Variants in ARID1B observed in about 807,000 individuals in gnomAD.
ARID1B encodes the protein AT-rich interaction domain 1B.
ARID1B carries 30 observed loss-of-function variants against 212.3 expected under a neutral mutation model. The ratio of observed to expected loss-of-function variants is 0.14; its 90% CI spans 0.11 to 0.19. The LOEUF (loss-of-function observed/expected upper bound fraction) is 0.19. Ranked by LOEUF, ARID1B falls within the 10% of genes least tolerant of loss-of-function variation. The pLI is 1.00. For synonymous variants in ARID1B, 1,402 were observed against 1,301.7 expected, an observed-to-expected ratio of 1.08 and a Z score of -1.66; for missense variants, 2,891 against 3,204.0, an observed-to-expected ratio of 0.90 and a Z score of 2.36.
In ARID1B at chr6:157,196,238, A is replaced by C. The variant is rs367653751; in HGVS notation, c.4305A>C (p.Gln1435His). 1 of 1,613,482 alleles carries C rather than the reference A, an allele frequency of 6.2e-7. No individual in the cohort carries two copies. Among genetic ancestry groups the C allele is most frequent in the East Asian group, 2.2e-5 (1 of 44,844 alleles). Residue 1435 changes from glutamine to histidine, a missense_variant, in exon 16 of 20, where the codon CAA (glutamine) becomes CAC (histidine). Coordinates refer to ENST00000636930, the MANE Select transcript of ARID1B (RefSeq NM_001374828.1). ...GCAGCATGCAGGACATGTACAACCA[A>C]AGTCCCTCCGGAGCAATGTCTAACC... ...PNSSMQDMYN[Q>H]SPSGAMSNLG...
rs2128462739 is a variant in ARID1B, at chr6:157,084,779, C to T, written c.2365C>T (p.Pro789Ser). ...GGATCAGAGCAACCCGGCGCAGTCG[C>T]CTTTCTCCCCACATGCGTCCCCTCA... ...QGDQSNPAQS[P>S]FSPHASPHLS... The change falls in exon 5 of 20, where the codon CCT (proline) becomes TCT (serine). Residue 789 changes from proline (P) to serine (S), a missense_variant. By Grantham distance (74) the Pro-to-Ser change is moderately conservative. Coordinates refer to ENST00000636930, the MANE Select transcript of ARID1B (RefSeq NM_001374828.1). 6.2e-7 allele frequency: 1 copy of T among 1,614,150 alleles called. No homozygotes were observed. The highest frequency in any genetic ancestry group is 1.1e-5 in the South Asian group (1 of 91,082).
chr6:157,191,861 T>C (rs945156900), intron 15 of ARID1B, among the ~76,000 whole-genome samples: 2 of 152,244 alleles, frequency 1.3e-5, no homozygotes, highest in Non-Finnish European at 1.5e-5. Flanking sequence ...CATAAATTTC[T>C]TGATAATATT....
intron 4 of ARID1B, among the ~76,000 whole-genome samples, chr6:156,993,045 C>CTTTT (rs11372694): frequency 2.0e-4 from 27 of 135,298 alleles, no homozygotes; most frequent in African/African-American, 6.9e-4. Context: ...TATGCTTTCG[C>CTTTT]TTTTTTTTTT....
intron 5 of ARID1B, among the ~76,000 whole-genome samples, chr6:157,107,107 T>C (rs1401182111): frequency 6.6e-6 from 1 of 152,214 alleles, no homozygotes; most frequent in Non-Finnish European, 1.5e-5. Flanking sequence ...CATAACCTCA[T>C]TTTAGGGATA....
At chr6:157,074,638 G>A (rs1221691911) in intron 4 of ARID1B, among the ~76,000 whole-genome samples, 2 of 152,070 alleles carry the variant, frequency 1.3e-5, no homozygotes, top group Non-Finnish European at 2.9e-5. Flanking sequence ...AAGTTCTTTT[G>A]GTCTCTCCCT....
Position 156,987,551 on chromosome 6 carries a change from C to T in ARID1B, c.2247+51975C>T, listed in dbSNP as rs191059102. Among the ~76,000 whole-genome samples, 311 of 152,238 alleles carry T rather than the reference C, an allele frequency of 2.0e-3. 1 individual carries two copies. Among genetic ancestry groups the T allele is most frequent in the South Asian group, 7.5e-3 (36 of 4,832 alleles). On this transcript the variant is annotated intron_variant, in intron 4 of 19. Coordinates refer to ENST00000636930, the MANE Select transcript of ARID1B (RefSeq NM_001374828.1). ...TTCACCGTGTTAGCCAGGATGGTTT[C>T]GATCTCCTGACCTTGTGATCCGCCC...
In ARID1B at chr6:157,198,652, G is replaced by A. The variant is rs753265257; in HGVS notation, c.4383-159G>A. 6 of 578,480 alleles carry A rather than the reference G, an allele frequency of 1.0e-5. 1 individual carries two copies. The highest frequency in any genetic ancestry group is 1.5e-5 in the Non-Finnish European group (5 of 325,926). 35.8% of individuals were successfully genotyped at this position (578,480 alleles called of 1,614,324 possible). The stretch of plus-strand genomic sequence containing the variant: ...TTCCCATCCCTGGTGCTAACAGTTG[G>A]CGTGCAGCTGCCTCTCAGAGGGCCT... On this transcript the variant is annotated intron_variant, in intron 16 of 19. Transcript: ENST00000636930.
At position 156,777,715 on chromosome 6, in the gene ARID1B, C is replaced by A; in HGVS notation, c.35C>A (p.Ala12Glu). The change falls in exon 1 of 20, where the codon GCG (alanine) becomes GAG (glutamate). Residue 12 changes from alanine to glutamate, a missense_variant. Coordinates refer to ENST00000636930, the MANE Select transcript of ARID1B (RefSeq NM_001374828.1). ...AARAAAAAAA[A>E]AARARARAGS... ...CGGGCAGCAGCGGCGGCGGCGGCGG[C>A]GGCGGCGCGGGCGCGGGCGCGGGCA... 6.3e-6 allele frequency: 1 copy of A among 158,280 alleles called. No individual in the cohort carries two copies. Among genetic ancestry groups the A allele is most frequent in the Non-Finnish European group, 1.3e-5 (1 of 77,340 alleles). 9.8% of individuals were successfully genotyped at this position (158,280 alleles called of 1,614,324 possible). A position where few individuals can be genotyped will look rare whatever the true frequency, so the allele number is the denominator to read the frequency against.
chr6:156,827,823 C>G (rs901738379), intron 1 of ARID1B, among the ~76,000 whole-genome samples: 9 of 127,404 alleles, frequency 7.1e-5, no homozygotes, highest in Non-Finnish European at 1.4e-4. Context: ...TGGAGTGGCA[C>G]AATCTTGGCT....
At chr6:156,776,949 C>G (rs753618884), upstream of ARID1B, 3 of 152,202 alleles carry the variant, frequency 2.0e-5, no homozygotes, top group Non-Finnish European at 4.4e-5. Flanking sequence ...TGGGAGAGAC[C>G]GTGCTTTTGC....
At position 157,208,804 on chromosome 6, in the gene ARID1B, A is replaced by G. The variant is rs1278846334; in HGVS notation, c.*913A>G. 5.6e-6 allele frequency: 1 copy of G among 177,778 alleles called. No individual in the cohort carries two copies. The highest frequency in any genetic ancestry group is 1.1e-5 in the Non-Finnish European group (1 of 94,666). 11.0% of individuals were successfully genotyped at this position (177,778 alleles called of 1,614,324 possible). ...TGATGGTAGATTTAAATAATTTTTT[A>G]TTTTTATTTTATATATTTTTTCATT... On this transcript the variant is annotated 3_prime_UTR_variant, in exon 20 of 20. Coordinates refer to ENST00000636930, the MANE Select transcript of ARID1B (RefSeq NM_001374828.1).
intron 1 of ARID1B, among the ~76,000 whole-genome samples, chr6:156,788,085 G>T (rs964355335): frequency 9.2e-5 from 14 of 152,034 alleles, no homozygotes; most frequent in Non-Finnish European, 2.1e-4. Flanking sequence ...GGGTGTGGCT[G>T]ACTCAGGACA....
At chr6:156,946,078 C>T (rs984586473) in intron 4 of ARID1B, among the ~76,000 whole-genome samples, 1 of 151,682 alleles carries the variant, frequency 6.6e-6, no homozygotes, top group African/African-American at 2.4e-5. Context: ...AATAATGGGC[C>T]AGGCGTGGTG....
At chr6:157,044,507 C>T (rs1782095316) in intron 4 of ARID1B, among the ~76,000 whole-genome samples, 1 of 152,170 alleles carries the variant, frequency 6.6e-6, no homozygotes, top group African/African-American at 2.4e-5. Flanking sequence ...TCTGAATGGG[C>T]CTCCTGGCTC....
chr6:156,860,002 T>G (rs569179710), intron 2 of ARID1B, among the ~76,000 whole-genome samples: 1 of 152,274 alleles, frequency 6.6e-6, no homozygotes, highest in Non-Finnish European at 1.5e-5. Context: ...CTGAGGCAGA[T>G]TTGAGAATCT....
intron 4 of ARID1B, among the ~76,000 whole-genome samples, chr6:157,007,233 A>C (rs529939386): frequency 1.8e-4 from 27 of 152,258 alleles, no homozygotes; most frequent in Non-Finnish European, 3.7e-4. Flanking sequence ...TTGTTACTAA[A>C]ACTTTCAGGA....
intron 4 of ARID1B, among the ~76,000 whole-genome samples, chr6:156,979,491 G>C (rs1244175773): frequency 6.6e-6 from 1 of 152,110 alleles, no homozygotes; most frequent in Non-Finnish European, 1.5e-5. Context: ...CTGAATTTGA[G>C]CTTGGCAGTG....
At chr6:157,117,028 G>C (rs1423371043) in intron 6 of ARID1B, among the ~76,000 whole-genome samples, 1 of 152,158 alleles carries the variant, frequency 6.6e-6, no homozygotes, top group African/African-American at 2.4e-5. Context: ...CTTGACAGCT[G>C]TTTGTCAGCA....
chr6:156,842,938 A>G (rs2128089703), intron 2 of ARID1B, among the ~76,000 whole-genome samples: 1 of 152,382 alleles, frequency 6.6e-6, no homozygotes, highest in Non-Finnish European at 1.5e-5. Flanking sequence ...ATTAGATAGT[A>G]GCCTTAAAGA....
Sources: allele counts gnomAD v4.1 joint callset (sites outside exome capture counted in the v4.1 genomes callset), GRCh38; gene constraint gnomAD v4.1.1; transcripts MANE v1.5; gene names NCBI Gene and HGNC (gene_info 2026-07-23, HGNC 2026-07-21).